Variants in LTBP1 observed in about 807,000 individuals in gnomAD.
LTBP1 encodes latent-transforming growth factor beta-binding protein 1.
A neutral mutation model predicts 207.6 loss-of-function variants in LTBP1; 129 were observed. The ratio of observed to expected loss-of-function variants is 0.62; its 90% CI spans 0.54 to 0.72. The LOEUF is 0.72. Among genes scored for constraint, LTBP1 ranks in the 30% least tolerant of loss-of-function variants. LTBP1 has a pLI of 0.00. For synonymous variants in LTBP1, 963 were observed against 833.7 expected (o/e 1.16, Z -2.67); for missense variants, 2,281 against 2,217.2 (o/e 1.03, Z -0.58).
At chr2:32,974,738 C>G (rs776765667) in intron 2 of LTBP1, among the ~76,000 whole-genome samples, 4 of 152,178 alleles carry the variant, frequency 2.6e-5, no homozygotes, top group Non-Finnish European at 4.4e-5. Flanking sequence ...AGATTTTTCT[C>G]CATCCCTTTA....
At chr2:32,996,114 A>G (rs1685227463) in intron 2 of LTBP1, among the ~76,000 whole-genome samples, 1 of 151,786 alleles carries the variant, frequency 6.6e-6, no homozygotes, top group Admixed American at 6.6e-5. Context: ...TATGTTTGGA[A>G]CTCTCTTAGT....
chr2:33,294,603 G>T (rs1421287889), intron 20 of LTBP1, among the ~76,000 whole-genome samples: 11 of 133,650 alleles, frequency 8.2e-5, no homozygotes, highest in African/African-American at 3.2e-4. Flanking sequence ...TTTGGAGACA[G>T]AGTCTTGCTC....
chr2:33,022,337 T>C (rs2075218374), intron 3 of LTBP1, among the ~76,000 whole-genome samples: 1 of 151,698 alleles, frequency 6.6e-6, no homozygotes, highest in Non-Finnish European at 1.5e-5. Context: ...TTCAGTTCTA[T>C]TGTGGTAGCT....
At chr2:33,299,494 A>G (rs2093943522) in intron 20 of LTBP1, among the ~76,000 whole-genome samples, 1 of 152,214 alleles carries the variant, frequency 6.6e-6, no homozygotes, top group Non-Finnish European at 1.5e-5. Context: ...ATAGGGCTAA[A>G]GTGTTTTATA....
At chr2:33,343,410 CA>C (rs60879811) in intron 25 of LTBP1, among the ~76,000 whole-genome samples, 2,937 of 97,120 alleles carry the variant, frequency 0.03, 47 homozygotes, top group Non-Finnish European at 0.04. Context: ...GACCCTGTCT[CA>C]AAAAAAAAAA....
intron 7 of LTBP1, among the ~76,000 whole-genome samples, chr2:33,201,898 T>G (rs1012642226): frequency 6.6e-6 from 1 of 152,152 alleles, no homozygotes; most frequent in Non-Finnish European, 1.5e-5. Context: ...GTTCCAGCAG[T>G]TCTGTTTGGA....
Position 33,323,698 on chromosome 2 carries a change from G to A in LTBP1, c.3730+8429G>A, listed in dbSNP as rs141845318. 2.1e-3 allele frequency among the ~76,000 whole-genome samples: 315 copies of A among 152,222 alleles called. 1 individual carries two copies. The highest frequency in any genetic ancestry group is 4.2e-3 in the African/African-American group (173 of 41,540). Reference sequence around the variant, plus strand: ...TTTGGAGACCATCTGTAATTAGTTGGGGCACAATACGCATTTGGCAAATGA... The same window carrying A: ...TTTGGAGACCATCTGTAATTAGTTGAGGCACAATACGCATTTGGCAAATGA... On this transcript the variant is annotated intron_variant, in intron 24 of 33. Coordinates refer to ENST00000404816, the MANE Select transcript of LTBP1 (RefSeq NM_206943.4).
At chr2:32,999,149 A>G (rs909919267) in intron 2 of LTBP1, among the ~76,000 whole-genome samples, 3 of 152,180 alleles carry the variant, frequency 2.0e-5, no homozygotes, top group African/African-American at 7.2e-5. Context: ...TGAGCTGTGG[A>G]CCAGCATCAT....
chr2:33,124,018 T>G (rs1227542884), intron 4 of LTBP1, among the ~76,000 whole-genome samples: 1 of 152,228 alleles, frequency 6.6e-6, no homozygotes, highest in Non-Finnish European at 1.5e-5. Flanking sequence ...TATTTTAAAA[T>G]TGTATTATAT....
chr2:32,979,173 TA>T (rs1162182136), intron 2 of LTBP1, among the ~76,000 whole-genome samples: 2 of 151,380 alleles, frequency 1.3e-5, no homozygotes, highest in Non-Finnish European at 3.0e-5. Context: ...TTTATATATA[TA>T]TTTTTTTCAT....
chr2:33,057,854 C>A (rs2077080313), intron 3 of LTBP1, among the ~76,000 whole-genome samples: 1 of 152,254 alleles, frequency 6.6e-6, no homozygotes. Context: ...CCGGCCTCGG[C>A]CAGCCCAGAG....
intron 7 of LTBP1, among the ~76,000 whole-genome samples, chr2:33,207,271 A>G (rs1291017140): frequency 6.6e-6 from 1 of 152,192 alleles, no homozygotes; most frequent in Non-Finnish European, 1.5e-5. Flanking sequence ...CGTTTCATAA[A>G]CTAAAGTAGT....
intron 28 of LTBP1, among the ~76,000 whole-genome samples, chr2:33,361,906 T>A (rs931048747): frequency 6.6e-6 from 1 of 152,340 alleles, no homozygotes; most frequent in East Asian, 1.9e-4. Context: ...ATTTGACCAC[T>A]GTTTGTCTTT....
intron 26 of LTBP1, among the ~76,000 whole-genome samples, chr2:33,350,983 AAT>A (rs1378068538): frequency 6.6e-6 from 1 of 152,022 alleles, no homozygotes; most frequent in African/African-American, 2.4e-5. Flanking sequence ...TACAATGAAA[AAT>A]ATATATATAT....
chr2:33,356,207 A>G (rs540540508), intron 26 of LTBP1, among the ~76,000 whole-genome samples: 1 of 152,326 alleles, frequency 6.6e-6, no homozygotes, highest in Non-Finnish European at 1.5e-5. Context: ...AATGTGTAAG[A>G]AAACAGGAGC....
chr2:33,359,017 C>A (rs556749254), intron 26 of LTBP1, among the ~76,000 whole-genome samples: 1 of 152,280 alleles, frequency 6.6e-6, no homozygotes, highest in South Asian at 2.1e-4. Flanking sequence ...ATTTCACACA[C>A]AAGGAAATGA....
chr2:33,255,385 G>A (rs2092822223), intron 11 of LTBP1, among the ~76,000 whole-genome samples: 1 of 152,082 alleles, frequency 6.6e-6, no homozygotes, highest in South Asian at 2.1e-4. Flanking sequence ...CTGTTGGTGG[G>A]ACTGTAAACT....
chr2:33,233,139 C>T (rs2091880270), intron 9 of LTBP1, among the ~76,000 whole-genome samples: 1 of 152,104 alleles, frequency 6.6e-6, no homozygotes, highest in African/African-American at 2.4e-5. Context: ...TATCACTTTC[C>T]ACCATGCTTT....
At chr2:32,991,644 A>T (rs1684436481) in intron 2 of LTBP1, among the ~76,000 whole-genome samples, 1 of 152,222 alleles carries the variant, frequency 6.6e-6, no homozygotes, top group Admixed American at 6.5e-5. Flanking sequence ...TTGTTGTAAC[A>T]TGACAGAACA....
Sources: allele counts gnomAD v4.1 joint callset (sites outside exome capture counted in the v4.1 genomes callset), GRCh38; gene constraint gnomAD v4.1.1; transcripts MANE v1.5; gene names NCBI Gene and HGNC (gene_info 2026-07-23, HGNC 2026-07-21).